Variants in MYL4 observed in about 807,000 individuals in gnomAD.
MYL4 encodes myosin light chain 4.
Under a neutral mutation model 21.6 loss-of-function variants are expected in MYL4, and 16 were observed. The ratio of observed to expected loss-of-function variants is 0.74; its 90% CI spans 0.50 to 1.12. The LOEUF is 1.12. MYL4 is among the 50% of genes most tolerant of loss of function. MYL4 has a pLI of 0.00. For missense variants in MYL4, 249 were observed against 252.9 expected, an observed-to-expected ratio of 0.98 and a Z score of 0.11; for synonymous variants, 82 against 95.7, an observed-to-expected ratio of 0.86 and a Z score of 0.83.
At position 47,221,964 on chromosome 17, in the gene MYL4, A is replaced by C. The variant is rs990910472; in HGVS notation, c.487+109A>C. 5.7e-6 allele frequency: 7 copies of C among 1,229,768 alleles called. No individual in the cohort carries two copies. The Admixed American group carries it at 1.3e-4, about 23-fold the overall frequency. 76.2% of individuals were successfully genotyped at this position (1,229,768 alleles called of 1,614,324 possible). A position where few individuals can be genotyped will look rare whatever the true frequency, so the allele number is the denominator to read the frequency against. ...GGGGGTGGTATACAAGGGTCTTTGCATCCTGAGGATAATGACCTGATCCAG... is the reference window on the plus strand; with the variant it reads ...GGGGGTGGTATACAAGGGTCTTTGCCTCCTGAGGATAATGACCTGATCCAG... On this transcript the variant is annotated intron_variant, in intron 4 of 6. Transcript: ENST00000393450.
At chr17:47,222,183 G>T (rs180904349) in intron 4 of MYL4, among the ~76,000 whole-genome samples, 197 bp from the exon 5 acceptor site, 34 of 152,236 alleles carry the variant, frequency 2.2e-4, no homozygotes, top group African/African-American at 7.7e-4. Context: ...TAAGGCAGAG[G>T]GGGAGGCTTC....
intron 1 of MYL4, among the ~76,000 whole-genome samples, chr17:47,211,954 G>A (rs1367118906): frequency 1.3e-5 from 2 of 152,194 alleles, no homozygotes; most frequent in African/African-American, 4.8e-5. Flanking sequence ...GCTGGGTGTG[G>A]TGGCTCACGC....
intron 3 of MYL4, among the ~76,000 whole-genome samples, chr17:47,220,467 A>G (rs2064847664): frequency 6.6e-6 from 1 of 152,216 alleles, no homozygotes; most frequent in Non-Finnish European, 1.5e-5. Flanking sequence ...ATTACAAACA[A>G]TTTGTTTCTA....
chr17:47,204,229 A>T (rs2149038877), upstream of MYL4, among the ~76,000 whole-genome samples: 1 of 152,230 alleles, frequency 6.6e-6, no homozygotes, highest in East Asian at 1.9e-4. Flanking sequence ...TCTTTTTTTA[A>T]TCATTCCACA....
upstream of MYL4, among the ~76,000 whole-genome samples, chr17:47,205,480 C>T (rs1282462839): frequency 3.3e-5 from 5 of 152,186 alleles, no homozygotes; most frequent in African/African-American, 7.2e-5. Context: ...GATGGAAGCT[C>T]GGACTCCAGT....
downstream of MYL4, among the ~76,000 whole-genome samples, chr17:47,226,676 C>T (rs1442613132): frequency 6.6e-6 from 1 of 152,258 alleles, no homozygotes; most frequent in Non-Finnish European, 1.5e-5. Context: ...CCTCCCATTA[C>T]AATCCAGAGA....
At chr17:47,204,688 A>G (rs1442991888), upstream of MYL4, among the ~76,000 whole-genome samples, 2 of 151,098 alleles carry the variant, frequency 1.3e-5, no homozygotes, top group Non-Finnish European at 2.9e-5. Context: ...ACTATGTTTC[A>G]CCACTGCACT....
At chr17:47,217,846 CA>C (rs2064826200) in intron 2 of MYL4, among the ~76,000 whole-genome samples, 1 of 152,000 alleles carries the variant, frequency 6.6e-6, no homozygotes, top group Non-Finnish European at 1.5e-5. Flanking sequence ...CCAGCCTGAC[CA>C]ACATGGAGAA....
chr17:47,197,092 G>GTTTTT (rs71365051), upstream of MYL4, among the ~76,000 whole-genome samples: 19 of 113,370 alleles, frequency 1.7e-4, no homozygotes, highest in African/African-American at 3.7e-4. Context: ...TCCTTAAAGG[G>GTTTTT]TTTTTTTTTT....
At chr17:47,221,519 A>G (rs1185404603) in intron 3 of MYL4, among the ~76,000 whole-genome samples, 163 bp from the exon 4 acceptor site, 2 of 152,118 alleles carry the variant, frequency 1.3e-5, no homozygotes, top group East Asian at 3.9e-4. Flanking sequence ...TTGGATGGGA[A>G]GCTCTGTGTC....
the MYL4 span, among the ~76,000 whole-genome samples, chr17:47,194,374 C>T: frequency 1.3e-5 from 2 of 152,196 alleles, no homozygotes; most frequent in African/African-American, 4.8e-5. Context: ...ACAAGGAGGG[C>T]ATCTTTCACA....
chr17:47,218,503 G>T (rs1022768440), intron 2 of MYL4, among the ~76,000 whole-genome samples: 1 of 152,082 alleles, frequency 6.6e-6, no homozygotes, highest in African/African-American at 2.4e-5. Flanking sequence ...ATGAAGAATT[G>T]GGCCCGGGTA....
At chr17:47,200,778 A>G (rs1339085847) in intron 1 of MYL4, among the ~76,000 whole-genome samples, 1 of 152,240 alleles carries the variant, frequency 6.6e-6, no homozygotes, top group Non-Finnish European at 1.5e-5. Context: ...TGCAGTACAG[A>G]AATGAGCTTC....
At chr17:47,218,892 C>A (rs1051418379) in intron 2 of MYL4, among the ~76,000 whole-genome samples, 1 of 152,212 alleles carries the variant, frequency 6.6e-6, no homozygotes, top group South Asian at 2.1e-4. Flanking sequence ...GATACTTGCC[C>A]TGCTGCCTTC....
At chr17:47,199,110 G>A (rs1219349763), upstream of MYL4, among the ~76,000 whole-genome samples, 2 of 151,498 alleles carry the variant, frequency 1.3e-5, no homozygotes, top group Non-Finnish European at 2.9e-5. Flanking sequence ...GCGTGGTGGC[G>A]GGCGCCTGTA....
intron 6 of MYL4, 178 bp from the exon 7 acceptor site, chr17:47,223,331 A>G: frequency 2.3e-6 from 1 of 437,190 alleles, no homozygotes; most frequent in Admixed American, 3.8e-5. Context: ...GGCCTCCTGT[A>G]CAGGCTCCTG....
intron 2 of MYL4, 102 bp from the exon 3 acceptor site, chr17:47,219,802 C>A (rs1380678641): frequency 2.1e-6 from 3 of 1,413,882 alleles, no homozygotes; most frequent in Non-Finnish European, 3.0e-6. Context: ...GATATTTTAA[C>A]AACCACACTC....
At chr17:47,190,348 A>G in the MYL4 span, among the ~76,000 whole-genome samples, 3 of 152,214 alleles carry the variant, frequency 2.0e-5, no homozygotes, top group South Asian at 2.1e-4. Flanking sequence ...CTAGCATGCA[A>G]TGTAGACTCT....
upstream of MYL4, among the ~76,000 whole-genome samples, chr17:47,207,031 G>A (rs1432557025): frequency 6.6e-6 from 1 of 152,156 alleles, no homozygotes; most frequent in Non-Finnish European, 1.5e-5. Context: ...AGAAGAGTGC[G>A]AGCGAAGGTA....
Sources: allele counts gnomAD v4.1 joint callset (sites outside exome capture counted in the v4.1 genomes callset), GRCh38; gene constraint gnomAD v4.1.1; transcripts MANE v1.5; gene names NCBI Gene and HGNC (gene_info 2026-07-23, HGNC 2026-07-21).